PPP2R2B: variants seen among roughly 807,000 people sequenced by gnomAD.
PPP2R2B encodes the protein serine/threonine-protein phosphatase 2A 55 kDa regulatory subunit B beta isoform.
In PPP2R2B, 5 loss-of-function variants were observed where a neutral mutation model predicts 46.0. That is an observed-to-expected ratio of 0.11 (90% confidence interval 0.06 to 0.23). The LOEUF (loss-of-function observed/expected upper bound fraction) is 0.23, where lower values mean the gene tolerates loss of function less well. Among genes scored for constraint, PPP2R2B ranks in the 10% least tolerant of loss-of-function variants. PPP2R2B has a pLI of 1.00. For missense variants in PPP2R2B, 367 were observed against 575.0 expected (o/e 0.64, Z 3.70); for synonymous variants, 215 against 206.7 (o/e 1.04, Z -0.34).
intron 1 of PPP2R2B, among the ~76,000 whole-genome samples, chr5:146,968,743 A>T (rs774442605): frequency 1.3e-5 from 2 of 152,340 alleles, no homozygotes; most frequent in Non-Finnish European, 2.9e-5. Context: ...AGCATTTGCC[A>T]ATCTTCATGT....
At chr5:146,633,369 A>G (rs1371377961) in intron 7 of PPP2R2B, among the ~76,000 whole-genome samples, 1 of 152,192 alleles carries the variant, frequency 6.6e-6, no homozygotes, top group Non-Finnish European at 1.5e-5. Flanking sequence ...TTCCGATCAC[A>G]CACCTCGGCT....
chr5:146,923,258 T>C lies in PPP2R2B; in HGVS notation c.79+132407A>G, dbSNP rs146469129. Among the ~76,000 whole-genome samples the C allele has an allele frequency of 7.0e-3, 1,066 of 152,282 alleles. 10 individuals carry two copies. Among genetic ancestry groups the C allele is most frequent in the African/African-American group, 0.024 (988 of 41,550 alleles). ...ACTCTTCTTTTTCCAGAAAAACAAG[T>C]ATGACAGAGGTCTGAAGGACCAGAG... On this transcript the variant is annotated intron_variant, in intron 1 of 8. Transcript: ENST00000336640.
chr5:146,749,044 G>A (rs1179015996), intron 2 of PPP2R2B, among the ~76,000 whole-genome samples: 3 of 152,162 alleles, frequency 2.0e-5, no homozygotes, highest in Non-Finnish European at 4.4e-5. Flanking sequence ...AAAAATATAT[G>A]AATGATGGAC....
rs751866653 is a variant in PPP2R2B, at chr5:146,630,585, G to A, written c.790+7666C>T. On this transcript the variant is annotated intron_variant, in intron 7 of 9. Coordinates refer to ENST00000394411, the MANE Select transcript of PPP2R2B (RefSeq NM_181675.4). ...CCTCATCTCTAAGATGTGAATAATGGCAGTATGTACCTCATAGGGTTGTTA... is the reference window on the plus strand; with the variant it reads ...CCTCATCTCTAAGATGTGAATAATGACAGTATGTACCTCATAGGGTTGTTA... Among the ~76,000 whole-genome samples, 76 of 152,268 alleles carry A rather than the reference G, an allele frequency of 5.0e-4. 1 individual carries two copies. Among genetic ancestry groups the A allele is most frequent in the Admixed American group, 3.9e-4 (6 of 15,302 alleles).
At chr5:146,747,500 T>C (rs535218199) in intron 2 of PPP2R2B, among the ~76,000 whole-genome samples, 2 of 152,322 alleles carry the variant, frequency 1.3e-5, no homozygotes, top group South Asian at 4.1e-4. Context: ...AATGTGAGAA[T>C]GAATAGCATG....
intron 2 of PPP2R2B, among the ~76,000 whole-genome samples, chr5:146,794,522 G>A (rs897134769): frequency 6.6e-6 from 1 of 152,182 alleles, no homozygotes; most frequent in African/African-American, 2.4e-5. Flanking sequence ...TAAATAAAAT[G>A]GGTTGCTATG....
At chr5:146,597,267 T>C (rs1057072533) in intron 8 of PPP2R2B, among the ~76,000 whole-genome samples, 2 of 152,204 alleles carry the variant, frequency 1.3e-5, no homozygotes, top group Non-Finnish European at 2.9e-5. Context: ...GTCTCATCTA[T>C]TCAATGTGTT....
At chr5:146,905,591 C>A (rs1762970280) in intron 1 of PPP2R2B, among the ~76,000 whole-genome samples, 1 of 152,090 alleles carries the variant, frequency 6.6e-6, no homozygotes, top group African/African-American at 2.4e-5. Context: ...AAGCCAAAAA[C>A]TGGAACAGCC....
intron 7 of PPP2R2B, among the ~76,000 whole-genome samples, chr5:146,628,789 G>A (rs1220762437): frequency 6.6e-6 from 1 of 152,176 alleles, no homozygotes; most frequent in African/African-American, 2.4e-5. Context: ...AATGGACAAA[G>A]ACTTCCATAA....
At chr5:146,743,156 T>A (rs1198125622) in intron 2 of PPP2R2B, among the ~76,000 whole-genome samples, 1 of 152,336 alleles carries the variant, frequency 6.6e-6, no homozygotes, top group South Asian at 2.1e-4. Context: ...AGCACTTTGC[T>A]TATATCATTT....
At chr5:147,077,214 A>G (rs901610293) in intron 2 of PPP2R2B, among the ~76,000 whole-genome samples, 14 of 147,668 alleles carry the variant, frequency 9.5e-5, no homozygotes, top group African/African-American at 3.5e-4. Flanking sequence ...TGTACAATAT[A>G]CACATATGTA....
chr5:146,672,825 A>G (rs1414533539), intron 5 of PPP2R2B, among the ~76,000 whole-genome samples: 1 of 152,202 alleles, frequency 6.6e-6, no homozygotes, highest in Non-Finnish European at 1.5e-5. Flanking sequence ...TTTTTCCTTC[A>G]CGAGAACTCT....
chr5:146,957,799 G>A (rs1437207675), intron 1 of PPP2R2B, among the ~76,000 whole-genome samples: 1 of 152,100 alleles, frequency 6.6e-6, no homozygotes, highest in African/African-American at 2.4e-5. Flanking sequence ...AAGACCAGTG[G>A]GCCAGTGCTA....
At chr5:146,987,993 C>T (rs1753508195) in intron 1 of PPP2R2B, among the ~76,000 whole-genome samples, 1 of 151,814 alleles carries the variant, frequency 6.6e-6, no homozygotes, top group Admixed American at 6.6e-5. Flanking sequence ...ATAAAATAGA[C>T]TTTAAGTAAA....
chr5:146,992,241 G>A (rs1411916321), intron 1 of PPP2R2B, among the ~76,000 whole-genome samples: 3 of 152,134 alleles, frequency 2.0e-5, no homozygotes, highest in Non-Finnish European at 4.4e-5. Context: ...TTTTCACAAA[G>A]GTGCCAAGAA....
rs371795981 is a variant in PPP2R2B, at chr5:147,029,536, A to G, written c.79+26129T>C. Among the ~76,000 whole-genome samples, 37 of 152,250 alleles carry G rather than the reference A, an allele frequency of 2.4e-4. No homozygotes were observed. In the South Asian group the frequency reaches 7.3e-3, roughly 30 times the overall value. Reference sequence around the variant, plus strand: ...CCAATATCTTAATTATTGATGCTTTATAAGATATCTTAATAGATGGTGTTC... The same window carrying G: ...CCAATATCTTAATTATTGATGCTTTGTAAGATATCTTAATAGATGGTGTTC... On this transcript the variant is annotated intron_variant, in intron 1 of 8. Transcript: ENST00000336640.
At chr5:146,886,780 C>T (rs926286561) in intron 1 of PPP2R2B, among the ~76,000 whole-genome samples, 1 of 151,476 alleles carries the variant, frequency 6.6e-6, no homozygotes, top group Non-Finnish European at 1.5e-5. Flanking sequence ...TATTTTAGAA[C>T]ATGCATCATT....
intron 7 of PPP2R2B, among the ~76,000 whole-genome samples, chr5:146,603,037 A>G (rs1445267156): frequency 2.6e-5 from 4 of 152,224 alleles, no homozygotes; most frequent in Non-Finnish European, 4.4e-5. Context: ...GGAGTCATCA[A>G]TTCCTGCCTC....
intron 2 of PPP2R2B, among the ~76,000 whole-genome samples, chr5:146,834,853 C>T (rs952721201): frequency 3.3e-5 from 5 of 152,138 alleles, no homozygotes; most frequent in African/African-American, 1.2e-4. Context: ...TTTAGCTCCA[C>T]TTATAAGTAA....
Sources: gnomAD v4.1 joint callset for allele counts (sites outside exome capture counted in the v4.1 genomes callset) on GRCh38, gnomAD v4.1.1 for gene constraint, MANE v1.5 for transcripts, NCBI Gene and HGNC (gene_info 2026-07-23, HGNC 2026-07-21) for gene names.